Variants in NCOR1 observed in about 807,000 individuals in gnomAD.
NCOR1 encodes protein phosphatase 1, regulatory subunit 109.
Under a neutral mutation model 288.1 loss-of-function variants are expected in NCOR1, and 63 were observed. The observed-to-expected ratio is 0.22, with a 90% CI of 0.18 to 0.27. NCOR1 has a LOEUF of 0.27. Ranked by LOEUF, NCOR1 falls within the 10% of genes least tolerant of loss-of-function variation. The probability of loss-of-function intolerance (pLI) is 1.00; values close to 1 mark genes in which losing one functional copy is unlikely to be tolerated. For synonymous variants in NCOR1, 1,007 were observed against 1,065.9 expected (o/e 0.94, Z 1.08); for missense variants, 2,397 against 3,019.2 (o/e 0.79, Z 4.83).
rs1174082356 is a variant in NCOR1, at chr17:16,087,417, CCA to C, written c.3017-977_3017-976del. On this transcript the variant is annotated intron_variant, in intron 22 of 45. Transcript: ENST00000268712. ...AATAGTAAGTGTGAAAGGACCAAGC[CCA>C]CACCATCCAGGGGCTGATCCGACTA... 3.3e-5 allele frequency: 34 copies of C among 1,017,212 alleles called. No homozygotes were observed. In the Admixed American group the frequency reaches 7.2e-4, roughly 22 times the overall value. The allele number at this position is 1,017,212 out of a possible 1,614,324, so 63.0% of individuals were successfully genotyped here.
chr17:16,117,752 G>T, intron 18 of NCOR1, 136 bp downstream of exon 18: 1 of 904,262 alleles, frequency 1.1e-6, no homozygotes, highest in Non-Finnish European at 1.5e-6. Flanking sequence ...AATCCGGGAG[G>T]AAGAGTTTGC....
chr17:16,109,287 TG>T (rs1293511746), intron 18 of NCOR1, among the ~76,000 whole-genome samples: 1 of 152,068 alleles, frequency 6.6e-6, no homozygotes, highest in African/African-American at 2.4e-5. Context: ...CCTTGAAATG[TG>T]GAAGACATAA....
At chr17:16,172,039 A>G (rs2083228718) in intron 3 of NCOR1, 44 bp from the exon 4 acceptor site, 1 of 1,430,678 alleles carries the variant, frequency 7.0e-7, no homozygotes. Flanking sequence ...TTTGTAAGTG[A>G]TGTACAACTC....
In NCOR1 at chr17:16,121,073, G is replaced by T. The variant is rs1398361404; in HGVS notation, c.1831C>A (p.Leu611Met). 1 of 1,613,698 alleles carries T rather than the reference G, an allele frequency of 6.2e-7. No individual in the cohort carries two copies. Residue 611 changes from leucine to methionine, a missense_variant, in exon 16 of 46, where the codon CTG becomes ATG. Leu to Met is a conservative substitution (Grantham distance 15). Around this residue, in one of 11 missense-constraint regions of NCOR1, gnomAD observed 113 missense variants for 139.5 expected, o/e 0.81. Coordinates refer to ENST00000268712, the MANE Select transcript of NCOR1 (RefSeq NM_006311.4). Reference protein sequence around the residue: ...AAATEEPPPPLPPPPEPISTE... With the variant: ...AAATEEPPPPMPPPPEPISTE... ...TCACTGGGTTCTGGTGGCGGTGGCAGAGGTGGTGGGGGCTCTTCAGTAGCC... is the reference window on the plus strand; with the variant it reads ...TCACTGGGTTCTGGTGGCGGTGGCATAGGTGGTGGGGGCTCTTCAGTAGCC...
chr17:16,117,695 C>T (rs2071979707), intron 18 of NCOR1, among the ~76,000 whole-genome samples, 193 bp downstream of exon 18: 1 of 151,820 alleles, frequency 6.6e-6, no homozygotes, highest in Non-Finnish European at 1.5e-5. Flanking sequence ...TGGTGGCGGG[C>T]GCCTGTAGTC....
At chr17:16,111,049 G>A (rs2070022773) in intron 18 of NCOR1, among the ~76,000 whole-genome samples, 1 of 152,106 alleles carries the variant, frequency 6.6e-6, no homozygotes, top group Non-Finnish European at 1.5e-5. Context: ...AGCAATCCAG[G>A]TGTGACCTAC....
rs202087289 is a variant in NCOR1, at chr17:16,072,220, A to G, written c.3820T>C (p.Cys1274Arg). The change falls in exon 29 of 46, where the codon TGC becomes CGC. Residue 1274 changes from cysteine to arginine, a missense_variant. Transcript: ENST00000268712. ...PVSAPLEGLICRALPRGSPHS... is the reference protein window; with the variant it reads ...PVSAPLEGLIRRALPRGSPHS... The stretch of plus-strand genomic sequence containing the variant: ...GGACTCCCCCTGGGTAATGCTCGGC[A>G]TATCAGCCCTTCCAAAACAAGAAAG... The G allele has an allele frequency of 1.6e-5, 25 of 1,610,356 alleles. No homozygotes were observed. The East Asian group carries it at 4.9e-4, about 32-fold the overall frequency.
chr17:16,126,057 TTA>T lies in NCOR1; in HGVS notation c.1634+23_1634+24del, dbSNP rs1269809788. 2.9e-6 allele frequency: 3 copies of T among 1,052,124 alleles called. No homozygotes were observed. The African/African-American group carries it at 4.9e-5, about 17-fold the overall frequency. 65.2% of individuals were successfully genotyped at this position (1,052,124 alleles called of 1,614,324 possible). A position where few individuals can be genotyped will look rare whatever the true frequency, so the allele number is the denominator to read the frequency against. On this transcript the variant is annotated intron_variant, in intron 15 of 45. Coordinates refer to ENST00000268712, the MANE Select transcript of NCOR1 (RefSeq NM_006311.4). Reference sequence around the variant, plus strand: ...AAAATAAAAATAAACATTTAACTTATTATATAACTAATTATTTAACTCACTTG... The same window carrying T: ...AAAATAAAAATAAACATTTAACTTATTATAACTAATTATTTAACTCACTTG...
intron 1 of NCOR1, among the ~76,000 whole-genome samples, chr17:16,202,257 C>G (rs1307465473): frequency 1.3e-5 from 2 of 150,150 alleles, no homozygotes; most frequent in Non-Finnish European, 3.0e-5. Context: ...AAAAATTAGC[C>G]AGGCGTGGTG....
intron 19 of NCOR1, among the ~76,000 whole-genome samples, chr17:16,105,720 A>AAAACAAAC (rs34862194): frequency 2.0e-5 from 3 of 150,978 alleles, no homozygotes; most frequent in Admixed American, 2.0e-4. Flanking sequence ...AAGTCTCCAA[A>AAAACAAAC]AAACAAACAA....
intron 1 of NCOR1, among the ~76,000 whole-genome samples, chr17:16,196,754 G>A (rs571433372): frequency 2.3e-4 from 35 of 150,270 alleles, no homozygotes; most frequent in Non-Finnish European, 4.6e-4. Flanking sequence ...GAACCCGGGA[G>A]GCGGAGCTTG....
intron 21 of NCOR1, among the ~76,000 whole-genome samples, chr17:16,094,069 T>C (rs2065890146): frequency 6.6e-6 from 1 of 151,762 alleles, no homozygotes; most frequent in African/African-American, 2.4e-5. Flanking sequence ...AGCTAATTTT[T>C]TTTTGTTTTT....
intron 14 of NCOR1, among the ~76,000 whole-genome samples, chr17:16,129,033 T>C (rs1295272199): frequency 2.0e-5 from 3 of 152,248 alleles, no homozygotes; most frequent in Non-Finnish European, 2.9e-5. Context: ...CCCTAGAACA[T>C]ATAAGTGATT....
rs1364933619 is a variant in NCOR1 at position 16,029,938 on chromosome 17, G to A, written c.*2358C>T. The A allele has an allele frequency of 6.4e-6, 1 of 157,014 alleles. No homozygotes were observed. Among genetic ancestry groups the A allele is most frequent in the Admixed American group, 6.5e-5 (1 of 15,370 alleles). 9.7% of individuals were successfully genotyped at this position (157,014 alleles called of 1,614,324 possible). On this transcript the variant is annotated 3_prime_UTR_variant, in exon 46 of 46. Transcript: ENST00000268712. ...AAGAAGTTAGGCTCTGATCTGACAT[G>A]TTCTCAGAAACTATACGGTTGACCT...
At chr17:16,071,182 G>A (rs2061713675) in intron 30 of NCOR1, among the ~76,000 whole-genome samples, 1 of 152,024 alleles carries the variant, frequency 6.6e-6, no homozygotes, top group Non-Finnish European at 1.5e-5. Context: ...GGAGGCTGAG[G>A]TGGGAGGATC....
intron 43 of NCOR1, chr17:16,040,195 C>T: frequency 1.6e-6 from 1 of 607,932 alleles, no homozygotes; most frequent in Non-Finnish European, 3.0e-6. Context: ...TCTCAGTTCC[C>T]TAGTTTTGAC....
chr17:16,110,935 T>C (rs1482623428), intron 18 of NCOR1, among the ~76,000 whole-genome samples: 1 of 152,212 alleles, frequency 6.6e-6, no homozygotes, highest in Admixed American at 6.5e-5. Context: ...TTTCAGAAGA[T>C]TCTGTAAATT....
chr17:16,092,660 TATATATATATATATATATATATATATA>T (rs1598452636), intron 21 of NCOR1, among the ~76,000 whole-genome samples: 1 of 9,472 alleles, frequency 1.1e-4, no homozygotes, highest in East Asian at 5.0e-3. Flanking sequence ...TATATATATA[TATATATATATATATATATATATATATA>T]TATATATATT....
chr17:16,201,569 G>A (rs772609688), intron 1 of NCOR1, among the ~76,000 whole-genome samples: 18 of 152,132 alleles, frequency 1.2e-4, no homozygotes, highest in Non-Finnish European at 2.1e-4. Context: ...CTGCACTCCA[G>A]CCTGAGCAAG....
Sources: allele counts gnomAD v4.1 joint callset (sites outside exome capture counted in the v4.1 genomes callset), GRCh38; gene constraint gnomAD v4.1.1; regional missense constraint gnomAD v4.1.1; transcripts MANE v1.5; gene names NCBI Gene and HGNC (gene_info 2026-07-23, HGNC 2026-07-21).